APPL1: variants seen among roughly 807,000 people sequenced by gnomAD.
The protein encoded by APPL1 is adaptor protein, phosphotyrosine interacting with PH domain and leucine zipper 1, also known as DCC-interacting protein 13-alpha.
APPL1 carries 42 observed loss-of-function variants against 106.8 expected under a neutral mutation model. That is an observed-to-expected ratio of 0.39 (90% CI 0.31 to 0.51). APPL1 has a LOEUF of 0.51. APPL1 is among the 20% of genes least tolerant of loss of function. The probability of loss-of-function intolerance (pLI) is 0.75; values close to 1 mark genes in which losing one functional copy is unlikely to be tolerated. For synonymous variants in APPL1, 263 were observed against 281.8 expected, an observed-to-expected ratio of 0.93 and a Z score of 0.67; for missense variants, 769 against 858.2, an observed-to-expected ratio of 0.90 and a Z score of 1.30.
chr3:57,261,592 C>G (rs1422230898), intron 19 of APPL1, among the ~76,000 whole-genome samples: 1 of 152,166 alleles, frequency 6.6e-6, no homozygotes, highest in African/African-American at 2.4e-5. Context: ...GATCTTGGCT[C>G]ACTGCAACCT....
rs867959867 is a variant in APPL1, at chr3:57,271,149, A to G, written c.*1462A>G. The G allele has an allele frequency of 1.3e-5, 2 of 151,976 alleles. No homozygotes were observed. The highest frequency in any genetic ancestry group is 2.4e-5 in the African/African-American group (1 of 41,246). The allele number at this position is 151,976 out of a possible 1,614,324, so 9.4% of individuals were successfully genotyped here. On this transcript the variant is annotated 3_prime_UTR_variant, in exon 22 of 22. Coordinates refer to ENST00000288266, the MANE Select transcript of APPL1 (RefSeq NM_012096.3). ...GAAAAAGCCTTTTTTTTTCTTTGAT[A>G]TACAGTTTTTTCTTCTTAGTTCTGC...
At position 57,240,012 on chromosome 3, in the gene APPL1, A is replaced by G. The variant is rs541820575; in HGVS notation, c.286-453A>G. 3.9e-5 allele frequency among the ~76,000 whole-genome samples: 6 copies of G among 152,160 alleles called. No homozygotes were observed. The East Asian group carries it at 1.2e-3, about 29-fold the overall frequency. On this transcript the variant is annotated intron_variant, in intron 4 of 21. Coordinates refer to ENST00000288266, the MANE Select transcript of APPL1 (RefSeq NM_012096.3). ...ATTTGTTTATCTTTGAAGAAATTAT[A>G]TAGATCCTTTGCCCGTTTTTAAATT...
chr3:57,234,650 T>TA (rs1484152293), intron 1 of APPL1, among the ~76,000 whole-genome samples: 20 of 151,500 alleles, frequency 1.3e-4, no homozygotes, highest in Non-Finnish European at 2.4e-4. Context: ...AAAGATAATT[T>TA]AAAAAAATTT....
In APPL1 at chr3:57,249,438, T is replaced by C. The variant is rs1217047086; in HGVS notation, c.942T>C (p.Arg314=). 5 of 1,614,090 alleles carry C rather than the reference T, an allele frequency of 3.1e-6. No individual in the cohort carries two copies. Among genetic ancestry groups the C allele is most frequent in the Non-Finnish European group, 4.2e-6 (5 of 1,180,004 alleles). Reference sequence around the variant, plus strand: ...GTGGAAATTTAATGAGTCAGGCCCGTGGGGATGTAGCAGGAGGCCTGGCCA... The same window carrying C: ...GTGGAAATTTAATGAGTCAGGCCCGCGGGGATGTAGCAGGAGGCCTGGCCA... The part of the protein sequence containing the change: ...TQGGNLMSQA[R]GDVAGGLAMD... Residue 314 remains arginine (R), a synonymous_variant, in exon 11 of 22, where the codon CGT becomes CGC. Coordinates refer to ENST00000288266, the MANE Select transcript of APPL1 (RefSeq NM_012096.3).
chr3:57,229,256 T>G (rs1166417545), intron 1 of APPL1, among the ~76,000 whole-genome samples: 1 of 152,214 alleles, frequency 6.6e-6, no homozygotes, highest in Non-Finnish European at 1.5e-5. Flanking sequence ...ATTGGTCAGG[T>G]GTACTTTGTC....
At chr3:57,234,061 G>A (rs1340456362) in intron 1 of APPL1, among the ~76,000 whole-genome samples, 1 of 152,150 alleles carries the variant, frequency 6.6e-6, no homozygotes, top group African/African-American at 2.4e-5. Flanking sequence ...CAGCCTGGGA[G>A]AAGAATGAGA....
chr3:57,235,516 T>G, intron 1 of APPL1, 50 bp from the exon 2 acceptor site: 1 of 1,191,040 alleles, frequency 8.4e-7, no homozygotes, highest in Non-Finnish European at 1.2e-6. Flanking sequence ...TATTTTTCCA[T>G]CTGATTTGTA....
intron 5 of APPL1, among the ~76,000 whole-genome samples, chr3:57,241,018 TG>T (rs1443231521): frequency 6.6e-6 from 1 of 152,188 alleles, no homozygotes; most frequent in Non-Finnish European, 1.5e-5. Context: ...TCAGTGTGGC[TG>T]CAATGCTGTA....
chr3:57,252,212 A>C lies in APPL1; in HGVS notation c.1053-57A>C. The stretch of plus-strand genomic sequence containing the variant: ...TTTAAAGATTAAAAAGTTACCTCGG[A>C]TTATGTTGAAAATACTTTTTTAAAC... On this transcript the variant is annotated intron_variant, in intron 11 of 21. Coordinates refer to ENST00000288266, the MANE Select transcript of APPL1 (RefSeq NM_012096.3). 3 of 1,414,868 alleles carry C rather than the reference A, an allele frequency of 2.1e-6. No homozygotes were observed. In the East Asian group the frequency reaches 6.9e-5, roughly 32 times the overall value. 87.6% of individuals were successfully genotyped at this position (1,414,868 alleles called of 1,614,324 possible).
intron 18 of APPL1, 110 bp downstream of exon 18, chr3:57,260,263 A>G (rs2107608690): frequency 2.4e-6 from 3 of 1,236,418 alleles, no homozygotes; most frequent in South Asian, 1.4e-5. Context: ...AGTATCAGCT[A>G]TGATTGGTCT....
At chr3:57,248,925 A>T (rs2107603379) in intron 10 of APPL1, among the ~76,000 whole-genome samples, 1 of 152,336 alleles carries the variant, frequency 6.6e-6, no homozygotes, top group Non-Finnish European at 1.5e-5. Context: ...CACATATTGT[A>T]TCATAACATG....
intron 12 of APPL1, 115 bp downstream of exon 12, chr3:57,252,426 A>G: frequency 1.4e-6 from 1 of 690,042 alleles, no homozygotes; most frequent in East Asian, 3.0e-5. Context: ...TTAATTAAAA[A>G]TCTTTCTTTT....
chr3:57,235,884 A>G (rs996878716), intron 2 of APPL1, among the ~76,000 whole-genome samples: 15 of 152,148 alleles, frequency 9.9e-5, no homozygotes, highest in African/African-American at 3.4e-4. Context: ...TAGACGATTG[A>G]AGCATCTGCC....
At position 57,239,635 on chromosome 3, in the gene APPL1, TG is replaced by T. The variant is rs368959435; in HGVS notation, c.286-829del. Among the ~76,000 whole-genome samples, 76 of 152,342 alleles carry T rather than the reference TG, an allele frequency of 5.0e-4. 2 individuals carry two copies. In the South Asian group the frequency reaches 8.7e-3, roughly 17 times the overall value. On this transcript the variant is annotated intron_variant, in intron 4 of 21. Transcript: ENST00000288266. ...TATTATGAGCATTCATATACAAGAT[TG>T]TTTTTTTTGTTTTGAACAACAGTTT...
At position 57,242,861 on chromosome 3, in the gene APPL1, G is replaced by C. The variant is rs1259036498; in HGVS notation, c.421G>C (p.Asp141His). Residue 141 changes from aspartate (D) to histidine (H), a missense_variant, in exon 7 of 22, where the codon GAT (aspartate) becomes CAT (histidine). Asp to His is a moderately conservative substitution (Grantham distance 81, BLOSUM62 -1). Coordinates refer to ENST00000288266, the MANE Select transcript of APPL1 (RefSeq NM_012096.3). ...EVFQIASNDH[D>H]AAINRYSRLS... ...CACTCATTTCTTTTTTCCAGATCATGATGCTGCGATTAATAGATATAGCCG... is the reference window on the plus strand; with the variant it reads ...CACTCATTTCTTTTTTCCAGATCATCATGCTGCGATTAATAGATATAGCCG... 6.2e-7 allele frequency: 1 copy of C among 1,611,038 alleles called. No homozygotes were observed. The highest frequency in any genetic ancestry group is 8.5e-7 in the Non-Finnish European group (1 of 1,177,800).
chr3:57,257,321 C>T lies in APPL1; in HGVS notation c.1323C>T (p.Leu441=). The T allele has an allele frequency of 1.2e-6, 2 of 1,614,144 alleles. No homozygotes were observed. Among genetic ancestry groups the T allele is most frequent in the Non-Finnish European group, 1.7e-6 (2 of 1,180,032 alleles). ...CTGAGTCTACAAATTTGGCTGCCCT[C>T]TCTCTAGATTCTCTTGTTGCCCCAG... ...LGSESTNLAA[L]SLDSLVAPDT... is the part of the protein sequence containing the mutation. The change falls in exon 15 of 22, where the codon CTC becomes CTT. Residue 441 remains leucine (L), a synonymous_variant. Coordinates refer to ENST00000288266, the MANE Select transcript of APPL1 (RefSeq NM_012096.3).
At chr3:57,260,497 G>A (rs2060859438) in intron 18 of APPL1, 131 bp from the exon 19 acceptor site, 13 of 810,058 alleles carry the variant, frequency 1.6e-5, no homozygotes, top group Non-Finnish European at 2.1e-5. Flanking sequence ...TGCATTACAA[G>A]TCTGTTAAAA....
In APPL1 at chr3:57,271,069, A is replaced by C. The variant is rs879670077; in HGVS notation, c.*1382A>C. Reference sequence around the variant, plus strand: ...TGGGTAAAATACTTTACATAGTCACACATTTACAAATTTTTCAAGAGGTTA... The same window carrying C: ...TGGGTAAAATACTTTACATAGTCACCCATTTACAAATTTTTCAAGAGGTTA... On this transcript the variant is annotated 3_prime_UTR_variant, in exon 22 of 22. Coordinates refer to ENST00000288266, the MANE Select transcript of APPL1 (RefSeq NM_012096.3). The C allele has an allele frequency of 6.6e-6, 1 of 152,306 alleles. No individual in the cohort carries two copies. Among genetic ancestry groups the C allele is most frequent in the Non-Finnish European group, 1.5e-5 (1 of 68,004 alleles). 9.4% of individuals were successfully genotyped at this position (152,306 alleles called of 1,614,324 possible).
intron 19 of APPL1, among the ~76,000 whole-genome samples, chr3:57,262,790 T>G (rs1471061400): frequency 2.0e-5 from 3 of 151,770 alleles, no homozygotes; most frequent in Non-Finnish European, 4.4e-5. Context: ...GATCTTTGTT[T>G]TTCGTTTTTT....
Sources: gnomAD v4.1 joint callset for allele counts (sites outside exome capture counted in the v4.1 genomes callset) on GRCh38, gnomAD v4.1.1 for gene constraint, MANE v1.5 for transcripts, NCBI Gene and HGNC (gene_info 2026-07-23, HGNC 2026-07-21) for gene names.